Variants in RTN4 observed in about 807,000 individuals in gnomAD.
The protein encoded by RTN4 is reticulon-4.
A neutral mutation model predicts 90.4 loss-of-function variants in RTN4; 32 were observed. The observed-to-expected ratio is 0.35, with a 90% CI of 0.27 to 0.48. The LOEUF (loss-of-function observed/expected upper bound fraction) is 0.48. Among genes scored for constraint, RTN4 ranks in the 20% least tolerant of loss-of-function variants. The probability of loss-of-function intolerance (pLI) is 0.99; values close to 1 mark genes in which losing one functional copy is unlikely to be tolerated. For missense variants in RTN4, 1,706 were observed against 1,430.2 expected (o/e 1.19, Z -3.11); for synonymous variants, 629 against 552.5 (o/e 1.14, Z -1.94).
chr2:54,982,554 C>A lies in RTN4; in HGVS notation c.3321G>T (p.Arg1107Ser), dbSNP rs747095317. The change falls in exon 5 of 9, where the codon AGG becomes AGT. Residue 1107 changes from arginine (R) to serine (S), a missense_variant. Physicochemically the swap from Arg to Ser is moderately radical, Grantham distance 110 (BLOSUM62 -1). Coordinates refer to ENST00000337526, the MANE Select transcript of RTN4 (RefSeq NM_020532.5). Reference sequence around the variant, plus strand: ...CTAAATCATCAACTAAGAAGAGGCGCCTGAGTTCCTTTATCGTGCAGTTCA... The same window carrying A: ...CTAAATCATCAACTAAGAAGAGGCGACTGAGTTCCTTTATCGTGCAGTTCA... The part of the protein sequence containing the change: ...GHVNCTIKEL[R>S]RLFLVDDLVD... The A allele has an allele frequency of 6.2e-7, 1 of 1,612,974 alleles. No individual in the cohort carries two copies. Among genetic ancestry groups the A allele is most frequent in the Non-Finnish European group, 8.5e-7 (1 of 1,179,718 alleles).
rs764214468 is a variant in RTN4 at position 55,025,652 on chromosome 2, G to A, written c.2447C>T (p.Pro816Leu). 6.2e-7 allele frequency: 1 copy of A among 1,613,766 alleles called. No homozygotes were observed. The highest frequency in any genetic ancestry group is 1.7e-5 in the Admixed American group (1 of 59,962). Residue 816 changes from proline (P) to leucine (L), a missense_variant, in exon 3 of 9, where the codon CCT becomes CTT. Coordinates refer to ENST00000337526, the MANE Select transcript of RTN4 (RefSeq NM_020532.5). ...TTTGCTCAATGTTGAAACTTCATCA[G>A]GTAACAGGGTATCTTTTGTGTTATC... The part of the protein sequence containing the change: ...SLDNTKDTLL[P>L]DEVSTLSKKE...
chr2:55,010,231 C>A, intron 3 of RTN4: 1 of 1,577,716 alleles, frequency 6.3e-7, no homozygotes, highest in Non-Finnish European at 8.6e-7. Context: ...TTTCCTCAAC[C>A]GAAGTCTGCA....
At chr2:55,133,072 G>A in the RTN4 span, among the ~76,000 whole-genome samples, 1 of 152,078 alleles carries the variant, frequency 6.6e-6, no homozygotes, top group Admixed American at 6.6e-5. Context: ...TTAGCCAGGT[G>A]TGCTGGTGGG....
At chr2:54,977,977 G>C (rs1356725796) in intron 5 of RTN4, among the ~76,000 whole-genome samples, 2 of 152,160 alleles carry the variant, frequency 1.3e-5, no homozygotes, top group Non-Finnish European at 2.9e-5. Flanking sequence ...GGACTAATGA[G>C]CCCTGGAGTT....
At position 55,025,227 on chromosome 2, in the gene RTN4, A is replaced by C. The variant is rs1450663280; in HGVS notation, c.2872T>G (p.Leu958Val). 1 of 1,613,744 alleles carries C rather than the reference A, an allele frequency of 6.2e-7. No individual in the cohort carries two copies. The highest frequency in any genetic ancestry group is 8.5e-7 in the Non-Finnish European group (1 of 1,179,824). ...CTCTCTATCTCTGCTTGAGTGGCCA[A>C]AGCAGAAACATCTGGAGGCAATAAG... The part of the protein sequence containing the change: ...VLLLPPDVSA[L>V]ATQAEIESIV... The change falls in exon 3 of 9, where the codon TTG becomes GTG. Residue 958 changes from leucine to valine, a missense_variant. Transcript: ENST00000337526.
In RTN4 at chr2:55,025,014, C is replaced by T. The variant is rs139724620; in HGVS notation, c.3013+72G>A. ...GACACTATAAACATAATATAAAACACAAAATGTAGTGGAATGTTCCCTAAA... is the reference window on the plus strand; with the variant it reads ...GACACTATAAACATAATATAAAACATAAAATGTAGTGGAATGTTCCCTAAA... On this transcript the variant is annotated intron_variant, in intron 3 of 8. Transcript: ENST00000337526. 9.8e-5 allele frequency: 147 copies of T among 1,498,390 alleles called. No homozygotes were observed. In the African/African-American group the frequency reaches 1.9e-3, roughly 19 times the overall value. The allele number at this position is 1,498,390 out of a possible 1,614,324, so 92.8% of individuals were successfully genotyped here.
At position 55,050,248 on chromosome 2, in the gene RTN4, CG is replaced by C; in HGVS notation, c.52del (p.Arg18GlyfsTer11). 1.3e-6 allele frequency: 2 copies of C among 1,540,354 alleles called. No homozygotes were observed. Among genetic ancestry groups the C allele is most frequent in the East Asian group, 2.6e-5 (1 of 38,768 alleles). ...CTGGTACTTGAACGCGGGCTGCGGC[CG>C]GGGTGGGCTGTCCGAGGACGAGACC... Reference protein sequence around the residue: ...PLVSSSDSPPRPQPAFKYQFV... With the variant: ...PLVSSSDSPPXPQPAFKYQFV... On this transcript the variant is annotated frameshift_variant, in exon 1 of 9. Coordinates refer to ENST00000337526, the MANE Select transcript of RTN4 (RefSeq NM_020532.5). LOFTEE classifies it high-confidence loss of function. The surrounding 1 kb of genome is among the most constrained non-coding windows in gnomAD (Gnocchi z 4.6).
intron 2 of RTN4, among the ~76,000 whole-genome samples, chr2:55,076,638 G>T (rs1245026033): frequency 6.6e-6 from 1 of 152,038 alleles, no homozygotes; most frequent in Admixed American, 6.5e-5. Context: ...GACCTCAGAT[G>T]ATCTGCCTGC....
chr2:55,112,938 G>A (rs1426262921), upstream of RTN4, among the ~76,000 whole-genome samples: 2 of 152,188 alleles, frequency 1.3e-5, no homozygotes, highest in Non-Finnish European at 2.9e-5. Context: ...CATTTACAAA[G>A]ATGGAAAAAT....
chr2:54,994,965 T>C (rs1679300868), intron 3 of RTN4, among the ~76,000 whole-genome samples: 1 of 152,070 alleles, frequency 6.6e-6, no homozygotes, highest in Non-Finnish European at 1.5e-5. Flanking sequence ...TAAATAAAGG[T>C]CGGGCGCAGT....
At chr2:54,993,241 G>C (rs1464592727) in intron 3 of RTN4, among the ~76,000 whole-genome samples, 1 of 152,116 alleles carries the variant, frequency 6.6e-6, no homozygotes, top group Admixed American at 6.5e-5. Context: ...CTAATGGCAA[G>C]CATGAATCAT....
intron 1 of RTN4, among the ~76,000 whole-genome samples, chr2:55,039,176 A>G (rs1682892151): frequency 6.6e-6 from 1 of 152,240 alleles, no homozygotes; most frequent in Non-Finnish European, 1.5e-5. Context: ...GAAATGTTCT[A>G]TATCTTGTCA....
chr2:55,115,903 A>T (rs1293131755), upstream of RTN4, among the ~76,000 whole-genome samples: 2 of 152,030 alleles, frequency 1.3e-5, no homozygotes, highest in Admixed American at 1.3e-4. Context: ...CATTTTGATG[A>T]CTCAGTGCTG....
chr2:55,083,114 A>G (rs1668752652), intron 1 of RTN4, among the ~76,000 whole-genome samples: 1 of 152,248 alleles, frequency 6.6e-6, no homozygotes, highest in African/African-American at 2.4e-5. Flanking sequence ...GTTAATATCA[A>G]TAGGTTGGAT....
chr2:55,049,902 G>A lies in RTN4; in HGVS notation c.399C>T (p.Leu133=), dbSNP rs895682547. 2 of 1,331,018 alleles carry A rather than the reference G, an allele frequency of 1.5e-6. No individual in the cohort carries two copies. Among genetic ancestry groups the A allele is most frequent in the Non-Finnish European group, 1.9e-6 (2 of 1,046,136 alleles). The allele number at this position is 1,331,018 out of a possible 1,614,324, so 82.5% of individuals were successfully genotyped here. ...LSAAAVSPSK[L]PEDDEPPARP... ...GGGCCGGAGGCTCGTCGTCCTCAGG[G>A]AGCTTGGAGGGCGAGACTGCGGCAG... Residue 133 remains leucine, a synonymous_variant, in exon 1 of 9, where the codon CTC becomes CTT. Coordinates refer to ENST00000337526, the MANE Select transcript of RTN4 (RefSeq NM_020532.5).
chr2:55,003,522 T>C (rs1375431610), intron 3 of RTN4, among the ~76,000 whole-genome samples: 1 of 151,976 alleles, frequency 6.6e-6, no homozygotes, highest in African/African-American at 2.4e-5. Context: ...ATAGAGCAGA[T>C]AAATAAGTAT....
intron 2 of RTN4, among the ~76,000 whole-genome samples, chr2:55,078,776 C>T (rs959214661): frequency 4.6e-5 from 7 of 151,866 alleles, no homozygotes; most frequent in South Asian, 2.1e-4. Flanking sequence ...CATGGAAAGA[C>T]GGAGAATGTG....
chr2:55,048,854 C>A (rs1667928237), intron 1 of RTN4, among the ~76,000 whole-genome samples: 1 of 152,134 alleles, frequency 6.6e-6, no homozygotes, highest in Non-Finnish European at 1.5e-5. Context: ...TTAGGAATGT[C>A]AACCATTTTG....
chr2:54,986,380 T>C (rs1017858806), intron 4 of RTN4, among the ~76,000 whole-genome samples: 3 of 152,178 alleles, frequency 2.0e-5, no homozygotes, highest in Admixed American at 1.3e-4. Context: ...TTCACGTCCA[T>C]ATGGTCTCTC....
Sources: allele counts gnomAD v4.1 joint callset (sites outside exome capture counted in the v4.1 genomes callset), GRCh38; gene constraint gnomAD v4.1.1; non-coding constraint Gnocchi (gnomAD v3.1); transcripts MANE v1.5; gene names NCBI Gene and HGNC (gene_info 2026-07-23, HGNC 2026-07-21).